The following SOX6 variants were observed in gnomAD, a reference collection of about 807,000 sequenced individuals.
The protein encoded by SOX6 is transcription factor SOX-6.
SOX6 carries 11 observed loss-of-function variants against 97.8 expected under a neutral mutation model. The observed-to-expected ratio is 0.11, with a 90% CI of 0.07 to 0.19. SOX6 has a LOEUF of 0.19. SOX6 is among the 10% of genes least tolerant of loss of function. The pLI is 1.00. For synonymous variants in SOX6, 360 were observed against 371.4 expected (o/e 0.97, Z 0.35); for missense variants, 810 against 1,039.5 (o/e 0.78, Z 3.04).
At chr11:16,131,926 C>T (rs1849750552) in intron 6 of SOX6, among the ~76,000 whole-genome samples, 1 of 151,832 alleles carries the variant, frequency 6.6e-6, no homozygotes, top group African/African-American at 2.4e-5. Context: ...ATGCTAACTG[C>T]AGAGGACACA....
intron 15 of SOX6, among the ~76,000 whole-genome samples, chr11:15,980,994 A>C (rs1853638571): frequency 6.6e-6 from 1 of 152,142 alleles, no homozygotes; most frequent in African/African-American, 2.4e-5. Flanking sequence ...GTACCATATT[A>C]ATTTAGTAAA....
chr11:15,975,570 A>C (rs980977746), intron 15 of SOX6, among the ~76,000 whole-genome samples: 2 of 152,190 alleles, frequency 1.3e-5, no homozygotes, highest in African/African-American at 2.4e-5. Flanking sequence ...CTACTGAATA[A>C]ATTTAAATTG....
intron 4 of SOX6, among the ~76,000 whole-genome samples, chr11:16,564,528 CT>C (rs1847848561): frequency 6.6e-6 from 1 of 152,036 alleles, no homozygotes; most frequent in African/African-American, 2.4e-5. Context: ...TTATGTGCCC[CT>C]AGAACATATA....
At chr11:16,295,602 C>T (rs1431651979) in intron 3 of SOX6, among the ~76,000 whole-genome samples, 1 of 152,036 alleles carries the variant, frequency 6.6e-6, no homozygotes, top group Non-Finnish European at 1.5e-5. Flanking sequence ...CTTCACAAAA[C>T]AAGTTTGCAC....
Position 16,451,154 on chromosome 11 carries a change from C to T in SOX6, c.-5+25161G>A, listed in dbSNP as rs893192655. Among the ~76,000 whole-genome samples the T allele has an allele frequency of 3.0e-4, 45 of 152,080 alleles. 1 individual carries two copies. The highest frequency in any genetic ancestry group is 2.9e-3 in the Admixed American group (45 of 15,268). ...GGCTGAGGCAGGAGGATCATTTGAG[C>T]CAGGGATGCAGAGGTTGCAGTGAGC... On this transcript the variant is annotated intron_variant, in intron 1 of 15. Coordinates refer to the SOX6 transcript ENST00000396356.
chr11:16,371,751 T>C (rs141508913), intron 1 of SOX6, among the ~76,000 whole-genome samples: 104 of 152,314 alleles, frequency 6.8e-4, no homozygotes, highest in South Asian at 5.2e-3. Context: ...TCTAATATTA[T>C]AGTATTACTA....
chr11:16,573,419 G>C (rs916165708), intron 4 of SOX6, among the ~76,000 whole-genome samples: 2 of 152,116 alleles, frequency 1.3e-5, no homozygotes, highest in African/African-American at 4.8e-5. Flanking sequence ...AAAAAGAATA[G>C]GCCAAATGGA....
chr11:16,373,347 G>A (rs147764828), intron 1 of SOX6, among the ~76,000 whole-genome samples: 6 of 152,090 alleles, frequency 3.9e-5, no homozygotes, highest in East Asian at 1.9e-4. Flanking sequence ...CCAAGCAAAC[G>A]GGTCCTTCTT....
At chr11:16,289,552 A>C (rs1425049310) in intron 3 of SOX6, among the ~76,000 whole-genome samples, 1 of 152,056 alleles carries the variant, frequency 6.6e-6, no homozygotes, top group Non-Finnish European at 1.5e-5. Context: ...TGAACACGTC[A>C]GATTAGATAA....
chr11:16,341,198 C>G lies in SOX6; in HGVS notation c.51G>C (p.Glu17Asp). Residue 17 changes from glutamate to aspartate, a missense_variant, in exon 2 of 16, where the codon GAG becomes GAC. Glu to Asp is a conservative substitution (Grantham distance 45). Around this residue, in one of 9 missense-constraint regions of SOX6, gnomAD observed 100 missense variants for 94.6 expected, o/e 1.06. Transcript: ENST00000683767. ...AGGTTAAATCCTGGGTCATTGCATC[C>G]TCTCCATCAGCTGCACAGGCAAATG... ...TSPFACAADGEDAMTQDLTSR... is the reference protein window; with the variant it reads ...TSPFACAADGDDAMTQDLTSR... The G allele has an allele frequency of 6.2e-7, 1 of 1,613,462 alleles. No individual in the cohort carries two copies. The highest frequency in any genetic ancestry group is 8.5e-7 in the Non-Finnish European group (1 of 1,179,628).
chr11:16,408,720 T>C (rs78352459), intron 1 of SOX6: 30 of 152,040 alleles, frequency 2.0e-4, no homozygotes, highest in East Asian at 5.8e-4. Context: ...TTTTTTTTTT[T>C]CCAGAGTGAT....
chr11:16,570,488 C>G (rs747619965), intron 4 of SOX6, among the ~76,000 whole-genome samples: 63 of 152,118 alleles, frequency 4.1e-4, no homozygotes, highest in African/African-American at 1.3e-3. Context: ...TTCCCAGAAG[C>G]CTTTTATTTA....
At chr11:16,295,306 A>T (rs1183689999) in intron 3 of SOX6, among the ~76,000 whole-genome samples, 1 of 152,092 alleles carries the variant, frequency 6.6e-6, no homozygotes, top group East Asian at 1.9e-4. Flanking sequence ...TTTGACAAAT[A>T]CCAGTACAAA....
chr11:16,642,238 A>G (rs546707814), intron 3 of SOX6, among the ~76,000 whole-genome samples: 15 of 151,886 alleles, frequency 9.9e-5, no homozygotes, highest in Non-Finnish European at 1.8e-4. Context: ...ATTGGCCCCC[A>G]CTCTCTTCTG....
At position 16,484,674 on chromosome 11, in the gene SOX6, C is replaced by T. The variant is rs1456428490; in HGVS notation, n.610-8286G>A. ...CTGAGCACGAAGTGGCTGGCCATGG[C>T]TGCTGCGCTCCCCAGACTCCCACCC... On this transcript the variant is annotated intron_variant and non_coding_transcript_variant, in intron 4 of 5. Transcript: ENST00000524520. The T allele has an allele frequency of 2.6e-5, 16 of 621,652 alleles. No homozygotes were observed. The South Asian group carries it at 2.8e-4, about 11-fold the overall frequency. The allele number at this position is 621,652 out of a possible 1,614,324, so 38.5% of individuals were successfully genotyped here.
At chr11:16,028,211 A>G (rs1855263992) in intron 12 of SOX6, among the ~76,000 whole-genome samples, 1 of 152,120 alleles carries the variant, frequency 6.6e-6, no homozygotes, top group South Asian at 2.1e-4. Flanking sequence ...TTGAAGATTT[A>G]GTTTATTTCC....
intron 3 of SOX6, chr11:16,646,048 G>C (rs1232339292): frequency 6.6e-6 from 1 of 152,230 alleles, no homozygotes; most frequent in Non-Finnish European, 1.5e-5. Context: ...CTCAGCTTCA[G>C]ACTTGAGGTC....
intron 4 of SOX6, among the ~76,000 whole-genome samples, chr11:16,200,540 C>T (rs1328133627): frequency 6.6e-6 from 1 of 152,144 alleles, no homozygotes; most frequent in Non-Finnish European, 1.5e-5. Flanking sequence ...CATACTGACA[C>T]ATCTATAGAA....
chr11:16,142,094 G>A (rs1042645969), intron 6 of SOX6, among the ~76,000 whole-genome samples: 13 of 152,156 alleles, frequency 8.5e-5, no homozygotes, highest in Non-Finnish European at 1.8e-4. Flanking sequence ...CTAACTGGGA[G>A]GCACCCCCAG....
Sources: gnomAD v4.1 joint callset for allele counts (sites outside exome capture counted in the v4.1 genomes callset) on GRCh38, gnomAD v4.1.1 for gene constraint, gnomAD v4.1.1 regional missense constraint, MANE v1.5 for transcripts, NCBI Gene and HGNC (gene_info 2026-07-23, HGNC 2026-07-21) for gene names.